The following KDELR3 variants were observed in gnomAD, a reference collection of about 807,000 sequenced individuals.
The protein encoded by KDELR3 is KDEL endoplasmic reticulum protein retention receptor 3.
In KDELR3, 26 loss-of-function variants were observed where a neutral mutation model predicts 22.7. The observed-to-expected ratio is 1.15, with a 90% CI of 0.84 to 1.59. The LOEUF (loss-of-function observed/expected upper bound fraction) is 1.59, where lower values mean the gene tolerates loss of function less well. Ranked by LOEUF, KDELR3 falls within the 40% of genes most tolerant of loss-of-function variation. The probability of loss-of-function intolerance (pLI) is 0.00; values close to 1 mark genes in which losing one functional copy is unlikely to be tolerated. For synonymous variants in KDELR3, 120 were observed against 98.2 expected (o/e 1.22, Z -1.31); for missense variants, 289 against 251.1 (o/e 1.15, Z -1.02).
intron 1 of KDELR3, among the ~76,000 whole-genome samples, chr22:38,472,152 C>T (rs1047050791): frequency 3.9e-5 from 6 of 152,028 alleles, no homozygotes; most frequent in Non-Finnish European, 7.4e-5. Context: ...TTAAACCAAA[C>T]CCTATATATA....
rs145129495 is a variant in KDELR3, at chr22:38,470,891, C to A, written c.91+2567C>A. Among the ~76,000 whole-genome samples, 554 of 152,216 alleles carry A rather than the reference C, an allele frequency of 3.6e-3. 3 individuals carry two copies. The highest frequency in any genetic ancestry group is 0.013 in the African/African-American group (528 of 41,532). On this transcript the variant is annotated intron_variant, in intron 1 of 4. Transcript: ENST00000216014. ...GGGCACAGTGGCTCACACCTGTAAT[C>A]CCAGCACTTTGGGATGCCAAGGCGG...
chr22:38,468,239 C>A lies in KDELR3; in HGVS notation c.6C>A (p.Asn2Lys). 1 of 1,613,716 alleles carries A rather than the reference C, an allele frequency of 6.2e-7. No individual in the cohort carries two copies. The highest frequency in any genetic ancestry group is 1.3e-5 in the African/African-American group (1 of 75,042). M[N>K]VFRILGDLSH... is the part of the protein sequence containing the mutation. ...CACGACTGACTGGCTGGACCATGAA[C>A]GTGTTCCGAATCCTCGGCGACCTGA... The change falls in exon 1 of 5, where the codon AAC (asparagine) becomes AAA (lysine). Residue 2 changes from asparagine to lysine, a missense_variant. Coordinates refer to ENST00000216014, the MANE Select transcript of KDELR3 (RefSeq NM_006855.4).
At position 38,468,138 on chromosome 22, in the gene KDELR3, C is replaced by T; in HGVS notation, c.-96C>T. 1 of 1,103,170 alleles carries T rather than the reference C, an allele frequency of 9.1e-7. No individual in the cohort carries two copies. The highest frequency in any genetic ancestry group is 1.4e-6 in the Non-Finnish European group (1 of 736,880). The allele number at this position is 1,103,170 out of a possible 1,614,324, so 68.3% of individuals were successfully genotyped here. On this transcript the variant is annotated 5_prime_UTR_variant, in exon 1 of 5. Coordinates refer to ENST00000216014, the MANE Select transcript of KDELR3 (RefSeq NM_006855.4). ...AGGCGCAGGCAGGGCTCTGGGGCAC[C>T]TAGAGACCGGGGCCGGAGACGTGGC...
At chr22:38,468,556 C>T (rs138309302) in intron 1 of KDELR3, among the ~76,000 whole-genome samples, 234 of 152,276 alleles carry the variant, frequency 1.5e-3, no homozygotes, top group Non-Finnish European at 2.5e-3. Context: ...CACAGACGCC[C>T]CCTCAGGTTG....
chr22:38,482,533 CTG>C lies in KDELR3; in HGVS notation c.643_644del (p.Ter215ArgfsTer61), dbSNP rs2089611799. ...AGAAGTTAAGTCTTCCAATGCCAAT[CTG>C]AGGACCTTCAGAGACAGTCTACGCC... ...GKKLSLPMPI[*>X] On this transcript the variant is annotated frameshift_variant and stop_lost, in exon 5 of 5. Transcript: ENST00000216014. LOFTEE classifies it high-confidence loss of function. 1 of 1,612,058 alleles carries C rather than the reference CTG, an allele frequency of 6.2e-7. No homozygotes were observed. The highest frequency in any genetic ancestry group is 2.2e-5 in the East Asian group (1 of 44,886).
Position 38,482,763 on chromosome 22 carries a change from GAT to G in KDELR3, c.*228_*229del. 3.7e-6 allele frequency: 2 copies of G among 536,614 alleles called. No homozygotes were observed. The highest frequency in any genetic ancestry group is 6.8e-5 in the Admixed American group (2 of 29,610). The allele number at this position is 536,614 out of a possible 1,614,324, so 33.2% of individuals were successfully genotyped here. On this transcript the variant is annotated 3_prime_UTR_variant, in exon 5 of 5. Transcript: ENST00000216014. ...AAAAAACCTCGGCCACCTGCACAAA[GAT>G]GGTGCCTCACTGCAACAAGAAACCT...
At chr22:38,474,262 G>A in intron 1 of KDELR3, 1 of 357,772 alleles carries the variant, frequency 2.8e-6, no homozygotes, top group Middle Eastern at 8.1e-4. Flanking sequence ...ACACGCAGGG[G>A]GACTGGGAAC....
Position 38,474,337 on chromosome 22 carries a change from C to T in KDELR3, c.92-186C>T, listed in dbSNP as rs950782788. On this transcript the variant is annotated intron_variant, in intron 1 of 4. Coordinates refer to ENST00000216014, the MANE Select transcript of KDELR3 (RefSeq NM_006855.4). ...TACAGTTTAATGAGAGGAACGACGA[C>T]TCAAGTGATCCGATGGGAAGGGTGA... 38 of 553,612 alleles carry T rather than the reference C, an allele frequency of 6.9e-5. No homozygotes were observed. The African/African-American group carries it at 7.3e-4, about 11-fold the overall frequency. The allele number at this position is 553,612 out of a possible 1,614,324, so 34.3% of individuals were successfully genotyped here.
intron 1 of KDELR3, among the ~76,000 whole-genome samples, chr22:38,473,647 A>C (rs1400117558): frequency 1.3e-5 from 2 of 152,180 alleles, no homozygotes; most frequent in South Asian, 2.1e-4. Context: ...TTTTGCAAAG[A>C]GTAAATATAG....
chr22:38,477,168 C>T (rs1398774741), intron 2 of KDELR3, among the ~76,000 whole-genome samples: 2 of 151,088 alleles, frequency 1.3e-5, no homozygotes, highest in Non-Finnish European at 2.9e-5. Flanking sequence ...CCACCTCGGC[C>T]TCCCAAAGTG....
chr22:38,480,701 C>A (rs1042448110), intron 3 of KDELR3, among the ~76,000 whole-genome samples: 1 of 151,814 alleles, frequency 6.6e-6, no homozygotes, highest in African/African-American at 2.4e-5. Context: ...TGCAGTGAGC[C>A]GAGATCGCAC....
intron 1 of KDELR3, among the ~76,000 whole-genome samples, chr22:38,473,253 T>A (rs1025982188): frequency 1.3e-5 from 2 of 151,966 alleles, no homozygotes; most frequent in African/African-American, 2.4e-5. Flanking sequence ...TGAAACTCTG[T>A]CTCTACAAAA....
At chr22:38,482,190 T>C (rs968046554) in intron 4 of KDELR3, among the ~76,000 whole-genome samples, 1 of 152,188 alleles carries the variant, frequency 6.6e-6, no homozygotes, top group South Asian at 2.1e-4. Flanking sequence ...AAAAAGGCTC[T>C]AGGTAGAAAG....
chr22:38,481,663 A>T (rs1205954904), intron 4 of KDELR3, 199 bp downstream of exon 4: 1 of 1,417,374 alleles, frequency 7.1e-7, no homozygotes, highest in Non-Finnish European at 9.2e-7. Context: ...TATGTGTACT[A>T]TGCAAGACAG....
chr22:38,478,986 T>C (rs534978284), intron 2 of KDELR3, among the ~76,000 whole-genome samples: 1 of 152,102 alleles, frequency 6.6e-6, no homozygotes, highest in South Asian at 2.1e-4. Context: ...AGTGCTGGCC[T>C]GGAAGGTTGG....
intron 2 of KDELR3, among the ~76,000 whole-genome samples, chr22:38,479,131 TG>T (rs2089580793): frequency 2.0e-5 from 3 of 151,838 alleles, no homozygotes; most frequent in African/African-American, 7.3e-5. Context: ...CTAGGGAGGC[TG>T]GAGCAGGAGG....
chr22:38,480,281 T>C (rs1315378856), intron 3 of KDELR3, among the ~76,000 whole-genome samples: 2 of 152,050 alleles, frequency 1.3e-5, no homozygotes, highest in Non-Finnish European at 2.9e-5. Context: ...GTAACTGGGA[T>C]TATAGGCACG....
In KDELR3 at chr22:38,474,531, G is replaced by A. The variant is rs936371538; in HGVS notation, c.100G>A (p.Gly34Arg). The A allele has an allele frequency of 7.4e-6, 12 of 1,613,636 alleles. No individual in the cohort carries two copies. The African/African-American group carries it at 1.6e-4, about 22-fold the overall frequency. Reference sequence around the variant, plus strand: ...TCTACCCTTGGCCACAGGCATCTCTGGGAAGAGCCAGATCCTGTTTGCTCT... The same window carrying A: ...TCTACCCTTGGCCACAGGCATCTCTAGGAAGAGCCAGATCCTGTTTGCTCT... ...WRSKCCKGIS[G>R]KSQILFALVF... The change falls in exon 2 of 5, where the codon GGG (glycine) becomes AGG (arginine). Residue 34 changes from glycine to arginine, a missense_variant. Gly to Arg is a moderately radical substitution (Grantham distance 125). Coordinates refer to ENST00000216014, the MANE Select transcript of KDELR3 (RefSeq NM_006855.4).
chr22:38,481,609 T>C (rs1045358788), intron 4 of KDELR3, 145 bp downstream of exon 4: 5 of 1,501,574 alleles, frequency 3.3e-6, no homozygotes, highest in Admixed American at 4.6e-5. Context: ...ACAAATATTT[T>C]CAATAAAGAA....
Sources: gnomAD v4.1 joint callset for allele counts (sites outside exome capture counted in the v4.1 genomes callset) on GRCh38, gnomAD v4.1.1 for gene constraint, MANE v1.5 for transcripts, NCBI Gene and HGNC (gene_info 2026-07-23, HGNC 2026-07-21) for gene names.